KCND3: variants seen among roughly 807,000 people sequenced by gnomAD.
The protein encoded by KCND3 is potassium voltage-gated channel subfamily D member 3, also known as A-type voltage-gated potassium channel KCND3.
Under a neutral mutation model 51.1 loss-of-function variants are expected in KCND3, and 9 were observed. The ratio of observed to expected loss-of-function variants is 0.18; its 90% CI spans 0.11 to 0.31. The LOEUF (loss-of-function observed/expected upper bound fraction) is 0.31. Among genes scored for constraint, KCND3 ranks in the 10% least tolerant of loss-of-function variants. KCND3 has a pLI of 1.00. For missense variants in KCND3, 526 were observed against 903.8 expected, an observed-to-expected ratio of 0.58 and a Z score of 5.36; for synonymous variants, 349 against 368.0, an observed-to-expected ratio of 0.95 and a Z score of 0.59.
In KCND3 at chr1:111,974,459, G is replaced by T. The variant is rs192178166; in HGVS notation, c.1106+7162C>A. Among the ~76,000 whole-genome samples, 466 of 152,280 alleles carry T rather than the reference G, an allele frequency of 3.1e-3. 2 individuals are homozygous for T. The highest frequency in any genetic ancestry group is 4.1e-3 in the Non-Finnish European group (282 of 68,006). On this transcript the variant is annotated intron_variant, in intron 2 of 7. Coordinates refer to ENST00000302127, the MANE Select transcript of KCND3 (RefSeq NM_001378969.1). Reference sequence around the variant, plus strand: ...GAGTATCAGCTTCCTGGAAGTGGTTGGTTGTGTGCAGAGCCACCTGCCTGA... The same window carrying T: ...GAGTATCAGCTTCCTGGAAGTGGTTTGTTGTGTGCAGAGCCACCTGCCTGA...
chr1:111,941,664 C>A (rs902264003), intron 2 of KCND3, among the ~76,000 whole-genome samples: 1 of 152,148 alleles, frequency 6.6e-6, no homozygotes, highest in Non-Finnish European at 1.5e-5. Context: ...GGCAGGGCTG[C>A]TCCTACAGTC....
rs139232566 is a variant in KCND3 at position 111,976,737 on chromosome 1, A to T, written c.1106+4884T>A. Among the ~76,000 whole-genome samples the T allele has an allele frequency of 1.9e-3, 294 of 152,322 alleles. 1 individual carries two copies. The highest frequency in any genetic ancestry group is 6.7e-3 in the African/African-American group (280 of 41,574). Reference sequence around the variant, plus strand: ...GACGTGGGGCTGAGTTTGAAGGATGATGTGTATCAGCCAGACACAGAAGCA... The same window carrying T: ...GACGTGGGGCTGAGTTTGAAGGATGTTGTGTATCAGCCAGACACAGAAGCA... On this transcript the variant is annotated intron_variant, in intron 2 of 7. Coordinates refer to ENST00000302127, the MANE Select transcript of KCND3 (RefSeq NM_001378969.1).
At chr1:111,930,017 A>C (rs1671887153) in intron 2 of KCND3, among the ~76,000 whole-genome samples, 1 of 152,160 alleles carries the variant, frequency 6.6e-6, no homozygotes, top group Non-Finnish European at 1.5e-5. Context: ...GTCTGATCCT[A>C]CTCTGCACAG....
At chr1:111,864,764 C>T (rs1054929084) in intron 2 of KCND3, among the ~76,000 whole-genome samples, 6 of 152,160 alleles carry the variant, frequency 3.9e-5, no homozygotes, top group Non-Finnish European at 7.3e-5. Context: ...TCACTTCAGT[C>T]CCCAGCCTTG....
In KCND3 at chr1:111,849,339, G is replaced by A. The variant is rs78232653; in HGVS notation, c.1107-62233C>T. Among the ~76,000 whole-genome samples the A allele has an allele frequency of 2.1e-3, 323 of 152,328 alleles. 8 individuals are homozygous for A. The East Asian group carries it at 0.045, about 21-fold the overall frequency. ...CACCCAGAAACAGCACTCAGCCTCC[G>A]GGAAGCAGCAAGCAGGGGCTAAGCC... On this transcript the variant is annotated intron_variant, in intron 2 of 7. Coordinates refer to ENST00000302127, the MANE Select transcript of KCND3 (RefSeq NM_001378969.1).
At chr1:111,989,307 C>G (rs929804114) in intron 1 of KCND3, among the ~76,000 whole-genome samples, 198 bp downstream of exon 1, 1 of 152,090 alleles carries the variant, frequency 6.6e-6, no homozygotes, top group Non-Finnish European at 1.5e-5. Flanking sequence ...CTCCACAGCC[C>G]GAGGGAACCG....
chr1:111,960,258 A>T (rs1389162002), intron 2 of KCND3, among the ~76,000 whole-genome samples: 1 of 152,142 alleles, frequency 6.6e-6, no homozygotes, highest in African/African-American at 2.4e-5. Flanking sequence ...ACCCAAGCTG[A>T]CTTCACAGCA....
At chr1:111,900,869 A>T (rs989868188) in intron 2 of KCND3, among the ~76,000 whole-genome samples, 13 of 152,320 alleles carry the variant, frequency 8.5e-5, no homozygotes, top group African/African-American at 3.1e-4. Flanking sequence ...AGGCAGGAGA[A>T]TCGCTTGAAC....
chr1:111,871,129 G>A (rs1668809719), intron 2 of KCND3, among the ~76,000 whole-genome samples: 1 of 152,218 alleles, frequency 6.6e-6, no homozygotes, highest in South Asian at 2.1e-4. Flanking sequence ...GTGAAGAGAA[G>A]GAATGGGAGG....
rs149070683 is a variant in KCND3, at chr1:111,850,098, C to G, written c.1107-62992G>C. ...CCGCGCTCCTTCCTGCTGCATCTTA[C>G]CACCTTTAACTCTGTCCTTTTCTCT... On this transcript the variant is annotated intron_variant, in intron 2 of 7. Coordinates refer to ENST00000302127, the MANE Select transcript of KCND3 (RefSeq NM_001378969.1). Among the ~76,000 whole-genome samples the G allele has an allele frequency of 1.2e-4, 19 of 152,280 alleles. No homozygotes were observed. In the East Asian group the frequency reaches 3.3e-3, roughly 26 times the overall value.
chr1:111,829,322 G>A (rs985552775), intron 2 of KCND3, among the ~76,000 whole-genome samples: 1 of 141,412 alleles, frequency 7.1e-6, no homozygotes, highest in Non-Finnish European at 1.6e-5. Context: ...AATTCAAATG[G>A]GCCTTCCAGA....
chr1:111,970,700 T>G (rs1233284471), intron 2 of KCND3, among the ~76,000 whole-genome samples: 1 of 152,218 alleles, frequency 6.6e-6, no homozygotes, highest in Non-Finnish European at 1.5e-5. Flanking sequence ...AACCCAGTAA[T>G]GCTACTACCA....
At chr1:111,972,877 A>G (rs1017059038) in intron 2 of KCND3, among the ~76,000 whole-genome samples, 2 of 152,230 alleles carry the variant, frequency 1.3e-5, no homozygotes, top group Non-Finnish European at 2.9e-5. Context: ...TGTGCTGTCC[A>G]TGGTTTTGAT....
intron 2 of KCND3, among the ~76,000 whole-genome samples, chr1:111,925,221 C>A (rs1470049549): frequency 1.3e-5 from 2 of 152,186 alleles, no homozygotes; most frequent in African/African-American, 4.8e-5. Flanking sequence ...CCATGTTGTG[C>A]CAGGTACTAT....
At chr1:111,899,687 C>T (rs953269373) in intron 2 of KCND3, among the ~76,000 whole-genome samples, 4 of 152,176 alleles carry the variant, frequency 2.6e-5, no homozygotes, top group Non-Finnish European at 4.4e-5. Context: ...TGTGTGAGCA[C>T]TCAGGTACAC....
At chr1:111,849,340 G>A (rs1431510471) in intron 2 of KCND3, among the ~76,000 whole-genome samples, 1 of 152,214 alleles carries the variant, frequency 6.6e-6, no homozygotes, top group Non-Finnish European at 1.5e-5. Context: ...TCAGCCTCCG[G>A]GAAGCAGCAA....
At chr1:111,849,332 A>T (rs945195151) in intron 2 of KCND3, among the ~76,000 whole-genome samples, 2 of 152,236 alleles carry the variant, frequency 1.3e-5, no homozygotes, top group African/African-American at 4.8e-5. Context: ...AACAGCACTC[A>T]GCCTCCGGGA....
intron 2 of KCND3, among the ~76,000 whole-genome samples, chr1:111,911,520 T>C (rs972816078): frequency 2.0e-5 from 3 of 152,232 alleles, no homozygotes; most frequent in Non-Finnish European, 4.4e-5. Flanking sequence ...ACAACGTTTA[T>C]TGAGTACCAA....
intron 2 of KCND3, among the ~76,000 whole-genome samples, chr1:111,879,829 G>C (rs1448564210): frequency 6.6e-6 from 1 of 152,174 alleles, no homozygotes; most frequent in Non-Finnish European, 1.5e-5. Flanking sequence ...ACTTGAGTAG[G>C]TGCATCCAGG....
Sources: allele counts gnomAD v4.1 joint callset (sites outside exome capture counted in the v4.1 genomes callset), GRCh38; gene constraint gnomAD v4.1.1; transcripts MANE v1.5; gene names NCBI Gene and HGNC (gene_info 2026-07-23, HGNC 2026-07-21).